The following HSD17B12 variants were observed in gnomAD, a reference collection of about 807,000 sequenced individuals.
HSD17B12 encodes the protein hydroxysteroid 17-beta dehydrogenase 12, also known as very-long-chain 3-oxoacyl-CoA reductase.
A neutral mutation model predicts 39.3 loss-of-function variants in HSD17B12; 32 were observed. The ratio of observed to expected loss-of-function variants is 0.81; its 90% CI spans 0.61 to 1.09. HSD17B12 has a LOEUF of 1.09. Among genes scored for constraint, HSD17B12 ranks in the 50% least tolerant of loss-of-function variants. HSD17B12 has a pLI of 0.00. For missense variants in HSD17B12, 342 were observed against 382.9 expected (o/e 0.89, Z 0.89); for synonymous variants, 150 against 146.7 (o/e 1.02, Z -0.16).
At chr11:43,639,324 T>G in the HSD17B12 span, among the ~76,000 whole-genome samples, 6 of 152,102 alleles carry the variant, frequency 3.9e-5, no homozygotes, top group Non-Finnish European at 7.4e-5. Context: ...GGAAAACGAG[T>G]AGAGCTGAGG....
At chr11:43,848,513 C>A (rs1951500581) in intron 9 of HSD17B12, 1 of 152,204 alleles carries the variant, frequency 6.6e-6, no homozygotes, top group Non-Finnish European at 1.5e-5. Context: ...TTTCCAAATT[C>A]ATTCTAAAAA....
chr11:43,676,100 G>A (rs528743066), upstream of HSD17B12, among the ~76,000 whole-genome samples: 118 of 151,670 alleles, frequency 7.8e-4, no homozygotes, highest in South Asian at 0.011. Flanking sequence ...CGGTAAGAGC[G>A]GGAAAAAAAA....
At chr11:43,834,296 A>C (rs1414427766) in intron 7 of HSD17B12, among the ~76,000 whole-genome samples, 2 of 152,086 alleles carry the variant, frequency 1.3e-5, no homozygotes, top group East Asian at 3.9e-4. Flanking sequence ...ATATATAATG[A>C]CAACCCTCCC....
the HSD17B12 span, among the ~76,000 whole-genome samples, chr11:43,623,140 A>G: frequency 6.6e-6 from 1 of 152,124 alleles, no homozygotes; most frequent in African/African-American, 2.4e-5. Flanking sequence ...CAAATGGTGT[A>G]TGGTTTTTAG....
the HSD17B12 span, among the ~76,000 whole-genome samples, chr11:43,620,587 C>T: frequency 6.6e-6 from 1 of 152,330 alleles, no homozygotes; most frequent in East Asian, 1.9e-4. Context: ...AAATTACATT[C>T]AGATGCCTAT....
At chr11:43,638,698 A>G in the HSD17B12 span, among the ~76,000 whole-genome samples, 1 of 152,144 alleles carries the variant, frequency 6.6e-6, no homozygotes, top group African/African-American at 2.4e-5. Context: ...TTTAAGATTA[A>G]TATATCGTGG....
At chr11:43,827,117 T>C (rs1010483782) in intron 6 of HSD17B12, among the ~76,000 whole-genome samples, 3 of 152,164 alleles carry the variant, frequency 2.0e-5, no homozygotes, top group Non-Finnish European at 4.4e-5. Context: ...AAGTGGCTAT[T>C]TGTGGTATCC....
At chr11:43,565,058 C>A in the HSD17B12 span, among the ~76,000 whole-genome samples, 20 of 152,180 alleles carry the variant, frequency 1.3e-4, no homozygotes, top group Non-Finnish European at 2.5e-4. Flanking sequence ...CACCACCAAG[C>A]CTGGCTAGTT....
chr11:43,687,278 C>T (rs1194620215), intron 1 of HSD17B12, among the ~76,000 whole-genome samples: 2 of 152,212 alleles, frequency 1.3e-5, no homozygotes, highest in Admixed American at 1.3e-4. Context: ...AAAGCCCTCA[C>T]TGGGCTTGGT....
intron 1 of HSD17B12, among the ~76,000 whole-genome samples, chr11:43,692,427 T>A (rs1237305603): frequency 6.6e-6 from 1 of 152,220 alleles, no homozygotes; most frequent in East Asian, 1.9e-4. Context: ...ATCAAAAAGA[T>A]GTCCTTGAAT....
At chr11:43,734,128 A>C (rs530383128) in intron 1 of HSD17B12, 7 of 1,402,012 alleles carry the variant, frequency 5.0e-6, no homozygotes, top group South Asian at 1.2e-5. Flanking sequence ...ATCACTACCA[A>C]ATCAAGTCAG....
intron 1 of HSD17B12, among the ~76,000 whole-genome samples, chr11:43,730,456 G>A (rs1950258206): frequency 6.6e-6 from 1 of 152,148 alleles, no homozygotes; most frequent in African/African-American, 2.4e-5. Context: ...GATCCAGCAG[G>A]ATGTTGTATA....
At chr11:43,665,607 G>C in the HSD17B12 span, among the ~76,000 whole-genome samples, 10 of 152,100 alleles carry the variant, frequency 6.6e-5, no homozygotes, top group Middle Eastern at 3.4e-3. Context: ...CAGGTTTCTT[G>C]GTGTCATCCT....
chr11:43,653,467 T>C, the HSD17B12 span, among the ~76,000 whole-genome samples: 59 of 152,268 alleles, frequency 3.9e-4, no homozygotes, highest in Admixed American at 1.1e-3. Context: ...TTGTTACATA[T>C]GTATACCTGT....
At chr11:43,683,566 A>G (rs1949771787) in intron 1 of HSD17B12, among the ~76,000 whole-genome samples, 1 of 152,212 alleles carries the variant, frequency 6.6e-6, no homozygotes, top group Non-Finnish European at 1.5e-5. Flanking sequence ...ACTAGCAGAG[A>G]TGACACTTGA....
At chr11:43,836,013 A>G (rs1229824999) in intron 7 of HSD17B12, among the ~76,000 whole-genome samples, 1 of 152,186 alleles carries the variant, frequency 6.6e-6, no homozygotes, top group Admixed American at 6.5e-5. Flanking sequence ...GTCAAGATTT[A>G]ATTTTTAAAG....
At chr11:43,663,876 T>G in the HSD17B12 span, among the ~76,000 whole-genome samples, 226 of 152,060 alleles carry the variant, frequency 1.5e-3, no homozygotes, top group African/African-American at 5.2e-3. Flanking sequence ...TATTATTTTT[T>G]TTTTGAGATG....
chr11:43,771,184 G>A (rs959021398), intron 3 of HSD17B12, among the ~76,000 whole-genome samples: 1 of 152,110 alleles, frequency 6.6e-6, no homozygotes. Flanking sequence ...ATACAGTATA[G>A]TTTCTTTTGA....
chr11:43,795,657 T>C (rs1950910338), intron 3 of HSD17B12, among the ~76,000 whole-genome samples: 1 of 152,162 alleles, frequency 6.6e-6, no homozygotes, highest in Non-Finnish European at 1.5e-5. Flanking sequence ...CTGCATGCGA[T>C]GCATGGAATG....
Sources: allele counts gnomAD v4.1 joint callset (sites outside exome capture counted in the v4.1 genomes callset), GRCh38; gene constraint gnomAD v4.1.1; transcripts MANE v1.5; gene names NCBI Gene and HGNC (gene_info 2026-07-23, HGNC 2026-07-21).